The following FGD4 variants were observed in gnomAD, a reference collection of about 807,000 sequenced individuals.
The protein encoded by FGD4 is FYVE, RhoGEF and PH domain-containing protein 4.
A neutral mutation model predicts 102.0 loss-of-function variants in FGD4; 42 were observed. That is an observed-to-expected ratio of 0.41 (90% CI 0.32 to 0.53). The LOEUF is 0.53. Ranked by LOEUF, FGD4 falls within the 20% of genes least tolerant of loss-of-function variation. The pLI is 0.21. For synonymous variants in FGD4, 380 were observed against 375.7 expected (o/e 1.01, Z -0.13); for missense variants, 902 against 1,078.2 (o/e 0.84, Z 2.29).
chr12:32,580,677 G>C (rs1946532000), intron 3 of FGD4, among the ~76,000 whole-genome samples: 1 of 152,072 alleles, frequency 6.6e-6, no homozygotes, highest in Admixed American at 6.6e-5. Flanking sequence ...CACGAGGTCA[G>C]GAGATCGAGA....
intron 10 of FGD4, among the ~76,000 whole-genome samples, chr12:32,613,448 A>C (rs1177791770): frequency 6.6e-6 from 1 of 152,230 alleles, no homozygotes; most frequent in East Asian, 1.9e-4. Context: ...TGGGGCACTA[A>C]GAAGGATAAG....
intron 13 of FGD4, 134 bp downstream of exon 13, chr12:32,625,202 T>G (rs1592453056): frequency 2.8e-6 from 2 of 706,132 alleles, no homozygotes; most frequent in Admixed American, 4.3e-5. Flanking sequence ...AATCTCATTC[T>G]TTCTTAGATG....
intron 1 of FGD4, among the ~76,000 whole-genome samples, chr12:32,446,021 G>C (rs905553744): frequency 1.2e-4 from 18 of 152,164 alleles, no homozygotes; most frequent in African/African-American, 4.1e-4. Context: ...CAAAAAGTTA[G>C]CCCGGTGTGT....
intron 1 of FGD4, among the ~76,000 whole-genome samples, chr12:32,524,138 T>A (rs1312195720): frequency 6.6e-6 from 1 of 151,864 alleles, no homozygotes; most frequent in Non-Finnish European, 1.5e-5. Flanking sequence ...GGCTCATGCC[T>A]GTAATCCCAG....
intron 1 of FGD4, among the ~76,000 whole-genome samples, chr12:32,545,143 T>G (rs763618674): frequency 1.7e-4 from 26 of 152,228 alleles, no homozygotes; most frequent in Non-Finnish European, 3.5e-4. Context: ...AGATAATTTT[T>G]GCTTAAAATA....
At chr12:32,411,946 G>C (rs978451169) in intron 1 of FGD4, among the ~76,000 whole-genome samples, 1 of 152,138 alleles carries the variant, frequency 6.6e-6, no homozygotes, top group Non-Finnish European at 1.5e-5. Flanking sequence ...CTGAACTCCA[G>C]ACTGGGCGAC....
At position 32,641,772 on chromosome 12, in the gene FGD4, A is replaced by C. The variant is rs550531211; in HGVS notation, c.*1239A>C. 5.3e-5 allele frequency: 8 copies of C among 152,164 alleles called. No homozygotes were observed. Among genetic ancestry groups the C allele is most frequent in the Non-Finnish European group, 1.0e-4 (7 of 67,992 alleles). The allele number at this position is 152,164 out of a possible 1,614,324, so 9.4% of individuals were successfully genotyped here. On this transcript the variant is annotated 3_prime_UTR_variant, in exon 17 of 17. Coordinates refer to ENST00000534526, the MANE Select transcript of FGD4 (RefSeq NM_001370298.3). ...CCTTTTCCTTTGTCGGAATGAAACAAAATCCACATGTGATAACCTATGTTT... is the reference window on the plus strand; with the variant it reads ...CCTTTTCCTTTGTCGGAATGAAACACAATCCACATGTGATAACCTATGTTT...
chr12:32,564,150 T>C lies in FGD4; in HGVS notation c.180T>C (p.Cys60=). 6 of 1,535,924 alleles carry C rather than the reference T, an allele frequency of 3.9e-6. No individual in the cohort carries two copies. The highest frequency in any genetic ancestry group is 4.4e-6 in the Non-Finnish European group (5 of 1,146,818). ...GAACTCTTGCAGGCAGCAGTACCTG[T>C]CCAAAGATCGCTTTAGTTCCACCTT... is the stretch of plus-strand genomic sequence containing the variant. ...VPSGATGSST[C]PKIALVPPCS... The change falls in exon 2 of 17, where the codon TGT becomes TGC. Residue 60 remains cysteine (C), a synonymous_variant. Transcript: ENST00000534526.
chr12:32,412,615 T>C (rs1438145783), intron 1 of FGD4, among the ~76,000 whole-genome samples: 1 of 152,154 alleles, frequency 6.6e-6, no homozygotes, highest in African/African-American at 2.4e-5. Context: ...TTTTGTTTTG[T>C]TGTTGTTGTT....
At chr12:32,603,347 T>C (rs1948546426) in intron 7 of FGD4, among the ~76,000 whole-genome samples, 1 of 152,154 alleles carries the variant, frequency 6.6e-6, no homozygotes, top group South Asian at 2.1e-4. Flanking sequence ...TTTAGCTAGA[T>C]TGGGAATTCC....
At chr12:32,462,180 C>T (rs1469814076) in intron 1 of FGD4, among the ~76,000 whole-genome samples, 1 of 152,096 alleles carries the variant, frequency 6.6e-6, no homozygotes, top group Non-Finnish European at 1.5e-5. Context: ...GCCTTAAGTG[C>T]CATCACAGCT....
chr12:32,436,437 A>C (rs1293143567), intron 1 of FGD4, among the ~76,000 whole-genome samples: 1 of 152,210 alleles, frequency 6.6e-6, no homozygotes, highest in Admixed American at 6.5e-5. Context: ...CAAGAAGGCA[A>C]AACATGTGGG....
chr12:32,424,473 A>T (rs1941760185), intron 1 of FGD4, among the ~76,000 whole-genome samples: 1 of 152,124 alleles, frequency 6.6e-6, no homozygotes, highest in African/African-American at 2.4e-5. Flanking sequence ...TCTATCATTG[A>T]TGGACATTTG....
intron 1 of FGD4, among the ~76,000 whole-genome samples, chr12:32,404,033 C>T (rs1478505506): frequency 6.6e-6 from 1 of 151,774 alleles, no homozygotes; most frequent in Admixed American, 6.6e-5. Context: ...ATGACTTTGC[C>T]TCTTGGGCAG....
At chr12:32,566,762 G>A (rs1302715843) in intron 2 of FGD4, among the ~76,000 whole-genome samples, 1 of 152,100 alleles carries the variant, frequency 6.6e-6, no homozygotes, top group Non-Finnish European at 1.5e-5. Flanking sequence ...AGAAGAGAAG[G>A]GGGTGTTAAT....
chr12:32,430,021 T>A (rs1941995707), intron 1 of FGD4, among the ~76,000 whole-genome samples: 1 of 151,510 alleles, frequency 6.6e-6, no homozygotes, highest in Non-Finnish European at 1.5e-5. Context: ...TTAGAAAAGA[T>A]TCTGGGCTGG....
chr12:32,514,087 A>G (rs761228830), intron 1 of FGD4, among the ~76,000 whole-genome samples: 11 of 152,224 alleles, frequency 7.2e-5, no homozygotes, highest in Admixed American at 3.3e-4. Flanking sequence ...TTTAAAATTA[A>G]TTGTTGCCTA....
chr12:32,621,205 G>A (rs969821722), intron 11 of FGD4, among the ~76,000 whole-genome samples: 22 of 151,810 alleles, frequency 1.4e-4, no homozygotes, highest in African/African-American at 5.1e-4. Context: ...CAAAACCCCC[G>A]TCTTTGCTAA....
chr12:32,408,591 C>A (rs7134245), intron 1 of FGD4, among the ~76,000 whole-genome samples: 9,835 of 152,238 alleles, frequency 0.065, 472 homozygotes, highest in Admixed American at 0.12. Context: ...TTGAAATTTT[C>A]TAGAGCTGCC....
Sources: allele counts gnomAD v4.1 joint callset (sites outside exome capture counted in the v4.1 genomes callset), GRCh38; gene constraint gnomAD v4.1.1; transcripts MANE v1.5; gene names NCBI Gene and HGNC (gene_info 2026-07-23, HGNC 2026-07-21).